GNG7: variants seen among roughly 807,000 people sequenced by gnomAD.
GNG7 encodes G protein subunit gamma 7.
In GNG7, 1 loss-of-function variant was observed where a neutral mutation model predicts 4.0. That is an observed-to-expected ratio of 0.25 (90% CI 0.09 to 1.18). The LOEUF is 1.18. GNG7 is among the 50% of genes most tolerant of loss of function. GNG7 has a pLI of 0.50. For missense variants in GNG7, 86 were observed against 91.9 expected, an observed-to-expected ratio of 0.94 and a Z score of 0.26; for synonymous variants, 34 against 36.9, an observed-to-expected ratio of 0.92 and a Z score of 0.29.
At chr19:2,646,335 T>C (rs1271298979) in intron 1 of GNG7, 55 bp from the exon 2 acceptor site, 2 of 151,796 alleles carry the variant, frequency 1.3e-5, no homozygotes, top group Non-Finnish European at 2.9e-5. Flanking sequence ...GCACCATGCA[T>C]GTGTTGATGG....
At chr19:2,580,284 CTATTTTTT>C (rs573080297) in intron 2 of GNG7, among the ~76,000 whole-genome samples, 2 of 123,034 alleles carry the variant, frequency 1.6e-5, no homozygotes, top group East Asian at 5.4e-4. Context: ...CTGTCTGGTT[CTATTTTTT>C]TTTTTTTTTT....
intron 2 of GNG7, among the ~76,000 whole-genome samples, chr19:2,587,699 G>T (rs958871702): frequency 1.3e-5 from 2 of 152,102 alleles, no homozygotes; most frequent in African/African-American, 4.8e-5. Flanking sequence ...GCATGGAAGG[G>T]AGGGGGACGC....
intron 1 of GNG7, among the ~76,000 whole-genome samples, chr19:2,678,652 A>G (rs58623949): frequency 0.079 from 11,975 of 151,972 alleles, 867 homozygotes; most frequent in African/African-American, 0.2. Context: ...TAAGGTGTCC[A>G]GTCTCGGAGG....
chr19:2,697,792 C>A (rs530205398), intron 1 of GNG7, among the ~76,000 whole-genome samples: 1 of 151,026 alleles, frequency 6.6e-6, no homozygotes, highest in Non-Finnish European at 1.5e-5. Context: ...CCCGTCCCCC[C>A]CCCCGCCCGT....
rs1568281176 is a variant in GNG7, at chr19:2,673,282, AC to A, written c.-134-27003del. ...CAAAAAAAAAACAAAACAAAACAAA[AC>A]AAAACAAAAAAAAACCCAGCAGGTC... On this transcript the variant is annotated intron_variant, in intron 1 of 4. Coordinates refer to ENST00000382159, the MANE Select transcript of GNG7 (RefSeq NM_052847.3). Among the ~76,000 whole-genome samples the A allele has an allele frequency of 9.7e-4, 145 of 149,442 alleles. 2 individuals are homozygous for A. Among genetic ancestry groups the A allele is most frequent in the African/African-American group, 3.4e-3 (137 of 40,704 alleles).
intron 2 of GNG7, among the ~76,000 whole-genome samples, chr19:2,630,021 GTT>G (rs113883059): frequency 2.4e-4 from 35 of 145,120 alleles, no homozygotes; most frequent in African/African-American, 8.7e-4. Flanking sequence ...AATAAAGGTT[GTT>G]TTTTTTTTTT....
At chr19:2,602,765 C>T (rs1013566616) in intron 2 of GNG7, among the ~76,000 whole-genome samples, 7 of 152,206 alleles carry the variant, frequency 4.6e-5, no homozygotes, top group African/African-American at 7.2e-5. Context: ...ACCACCACCC[C>T]TCCCTTTTCC....
chr19:2,517,972 G>T (rs993981746), intron 4 of GNG7, among the ~76,000 whole-genome samples: 2 of 152,162 alleles, frequency 1.3e-5, no homozygotes, highest in African/African-American at 4.8e-5. Context: ...CGCCGGCTGC[G>T]GCCTGTGATG....
In GNG7 at chr19:2,557,197, A is replaced by G. The variant is rs566260427; in HGVS notation, c.-77-2009T>C. On this transcript the variant is annotated intron_variant, in intron 2 of 4. Transcript: ENST00000382159. This position sits in a 1 kb window ranked among gnomAD's most constrained non-coding sequence, Gnocchi z 5.1. Reference sequence around the variant, plus strand: ...ACGTACACACAAGACACGTGCACACACATTTGCATGCACACACAGACACAC... The same window carrying G: ...ACGTACACACAAGACACGTGCACACGCATTTGCATGCACACACAGACACAC... Among the ~76,000 whole-genome samples, 107 of 151,752 alleles carry G rather than the reference A, an allele frequency of 7.1e-4. No homozygotes were observed. The highest frequency in any genetic ancestry group is 2.4e-3 in the African/African-American group (100 of 41,292).
At chr19:2,536,946 ATTTTTATTTTTT>A (rs1211609516) in intron 3 of GNG7, among the ~76,000 whole-genome samples, 1 of 144,572 alleles carries the variant, frequency 6.9e-6, no homozygotes, top group Non-Finnish European at 1.5e-5. Context: ...TTTTATTTTT[ATTTTTATTTTTT>A]TTTTTTGAGA....
chr19:2,575,906 C>T (rs111067222), intron 2 of GNG7, among the ~76,000 whole-genome samples: 41,453 of 141,130 alleles, frequency 0.29, 8,640 homozygotes, highest in African/African-American at 0.59. Flanking sequence ...CGCAGGCACA[C>T]GCAGGCATAC....
At chr19:2,648,878 TTTTTTG>T (rs1368292894) in intron 1 of GNG7, among the ~76,000 whole-genome samples, 6 of 151,284 alleles carry the variant, frequency 4.0e-5, no homozygotes, top group African/African-American at 1.2e-4. Context: ...ATGTGTTTTT[TTTTTTG>T]TTTTTTGTTT....
chr19:2,520,051 C>G (rs1041140909), intron 4 of GNG7, among the ~76,000 whole-genome samples: 5 of 152,286 alleles, frequency 3.3e-5, no homozygotes, highest in African/African-American at 7.2e-5. Context: ...CATGGTGGTG[C>G]ATGCCTGTAA....
intron 3 of GNG7, among the ~76,000 whole-genome samples, chr19:2,553,050 C>T (rs1021741100): frequency 2.7e-5 from 4 of 146,734 alleles, no homozygotes; most frequent in African/African-American, 5.1e-5. Flanking sequence ...GGCGAGTCGA[C>T]GAAACCAAAA....
At chr19:2,534,325 C>A (rs1220161905) in intron 3 of GNG7, among the ~76,000 whole-genome samples, 1 of 152,206 alleles carries the variant, frequency 6.6e-6, no homozygotes, top group Non-Finnish European at 1.5e-5. Flanking sequence ...CCCACTCCCT[C>A]CATCTCCTAA....
Position 2,664,299 on chromosome 19 carries a change from C to T in GNG7, c.-134-18019G>A, listed in dbSNP as rs1983249799. Among the ~76,000 whole-genome samples, 3 of 152,208 alleles carry T rather than the reference C, an allele frequency of 2.0e-5. No homozygotes were observed. In the South Asian group the frequency reaches 6.2e-4, roughly 32 times the overall value. On this transcript the variant is annotated intron_variant, in intron 1 of 4. Transcript: ENST00000382159. ...GTCAACCTCAGCCTTCACTCATCACCACAGCAACCATCTAAATATGTCACC... is the reference window on the plus strand; with the variant it reads ...GTCAACCTCAGCCTTCACTCATCACTACAGCAACCATCTAAATATGTCACC...
chr19:2,691,749 C>A (rs976467497), intron 1 of GNG7, among the ~76,000 whole-genome samples: 16 of 151,806 alleles, frequency 1.1e-4, no homozygotes, highest in African/African-American at 3.9e-4. Context: ...CGCCTGTAAT[C>A]CCAGCTACTC....
At chr19:2,635,107 G>A (rs1052044165) in intron 2 of GNG7, among the ~76,000 whole-genome samples, 2 of 152,238 alleles carry the variant, frequency 1.3e-5, no homozygotes, top group African/African-American at 4.8e-5. Flanking sequence ...CTGCTGAGCA[G>A]CGTCCCGGGC....
At position 2,661,910 on chromosome 19, in the gene GNG7, G is replaced by A. The variant is rs1445768520; in HGVS notation, c.-134-15630C>T. On this transcript the variant is annotated intron_variant, in intron 1 of 4. Transcript: ENST00000382159. ...AGTGGAGCTGCTTCCTAACTCCTGA[G>A]TGAGGGTGGAAAAAACTCAAACTCA... 4.6e-5 allele frequency among the ~76,000 whole-genome samples: 5 copies of A among 109,384 alleles called. No individual in the cohort carries two copies. The South Asian group carries it at 9.4e-4, about 21-fold the overall frequency. 71.8% of individuals were successfully genotyped at this position (109,384 alleles called of 152,430 possible). A position where few individuals can be genotyped will look rare whatever the true frequency, so the allele number is the denominator to read the frequency against.
Sources: gnomAD v4.1 joint callset for allele counts (sites outside exome capture counted in the v4.1 genomes callset) on GRCh38, gnomAD v4.1.1 for gene constraint, Gnocchi (gnomAD v3.1) non-coding constraint, MANE v1.5 for transcripts, NCBI Gene and HGNC (gene_info 2026-07-23, HGNC 2026-07-21) for gene names.